Variants in STX3 observed in about 807,000 individuals in gnomAD.
The protein encoded by STX3 is syntaxin-3.
In STX3, 19 loss-of-function variants were observed where a neutral mutation model predicts 40.2. The observed-to-expected ratio is 0.47, with a 90% confidence interval of 0.33 to 0.69. The LOEUF (loss-of-function observed/expected upper bound fraction) is 0.69. Ranked by LOEUF, STX3 falls within the 30% of genes least tolerant of loss-of-function variation. The probability of loss-of-function intolerance (pLI) is 0.02; values close to 1 mark genes in which losing one functional copy is unlikely to be tolerated. For missense variants in STX3, 364 were observed against 366.7 expected (o/e 0.99, Z 0.06); for synonymous variants, 122 against 132.2 (o/e 0.92, Z 0.53).
rs1228020217 is a variant in STX3 at position 59,804,538 on chromosome 11, CGCTTGGGAATGG to C, written c.*3718_*3729del. 1 of 152,138 alleles carries C rather than the reference CGCTTGGGAATGG, an allele frequency of 6.6e-6. No individual in the cohort carries two copies. Among genetic ancestry groups the C allele is most frequent in the African/African-American group, 2.4e-5 (1 of 41,420 alleles). The allele number at this position is 152,138 out of a possible 1,614,324, so 9.4% of individuals were successfully genotyped here. On this transcript the variant is annotated 3_prime_UTR_variant, in exon 11 of 11. Transcript: ENST00000337979. The stretch of plus-strand genomic sequence containing the variant: ...GTTACTGTCAGAGGCTGTGTAAAGC[CGCTTGGGAATGG>C]GCTGATCTGCTTATGCAAAAATGCT...
rs147225705 is a variant in STX3, at chr11:59,787,109, A to C, written c.187A>C (p.Ile63Leu). 44 of 1,614,200 alleles carry C rather than the reference A, an allele frequency of 2.7e-5. No individual in the cohort carries two copies. The South Asian group carries it at 4.5e-4, about 17-fold the overall frequency. ...VEEAKKLYSIILSAPIPEPKT... is the reference protein window; with the variant it reads ...VEEAKKLYSILLSAPIPEPKT... ...GGAGGCTAAGAAACTCTACAGTATC[A>C]TTCTCTCTGCACCGATTCCAGAGCC... Residue 63 changes from isoleucine (I) to leucine (L), a missense_variant, in exon 3 of 11, where the codon ATT becomes CTT. Physicochemically the swap from Ile to Leu is conservative, Grantham distance 5. Transcript: ENST00000337979.
In STX3 at chr11:59,800,959, T is replaced by C; in HGVS notation, c.*135T>C. On this transcript the variant is annotated 3_prime_UTR_variant, in exon 11 of 11. Coordinates refer to ENST00000337979, the MANE Select transcript of STX3 (RefSeq NM_004177.5). ...AGTGCGACCCGTTCCTTTGTTTCCT[T>C]GCAACCACCCTTGGACCTGACTCAG... 6.5e-7 allele frequency: 1 copy of C among 1,535,818 alleles called. No homozygotes were observed. The highest frequency in any genetic ancestry group is 8.7e-7 in the Non-Finnish European group (1 of 1,146,632).
At position 59,756,798 on chromosome 11, in the gene STX3, C is replaced by T. The variant is rs557576778; in HGVS notation, c.30+1163C>T. On this transcript the variant is annotated intron_variant, in intron 1 of 10. Coordinates refer to ENST00000337979, the MANE Select transcript of STX3 (RefSeq NM_004177.5). Reference sequence around the variant, plus strand: ...AAATGCAACAGAAGATGCTTAAGAACACTTTTAGGGTGCATGGCACGGGGG... The same window carrying T: ...AAATGCAACAGAAGATGCTTAAGAATACTTTTAGGGTGCATGGCACGGGGG... Among the ~76,000 whole-genome samples, 26 of 152,310 alleles carry T rather than the reference C, an allele frequency of 1.7e-4. 1 individual carries two copies. In the South Asian group the frequency reaches 5.0e-3, roughly 29 times the overall value.
chr11:59,764,600 G>A (rs911654391), intron 1 of STX3, among the ~76,000 whole-genome samples: 21 of 152,056 alleles, frequency 1.4e-4, no homozygotes, highest in East Asian at 5.8e-4. Context: ...TGGATGTTGT[G>A]GTATCCCCTG....
intron 1 of STX3, among the ~76,000 whole-genome samples, chr11:59,771,985 A>C (rs1305636888): frequency 2.0e-5 from 3 of 152,190 alleles, no homozygotes; most frequent in African/African-American, 7.2e-5. Flanking sequence ...TGGGGGAGCC[A>C]ATCAAGAGAC....
At chr11:59,798,853 A>G (rs1294410394) in intron 10 of STX3, among the ~76,000 whole-genome samples, 1 of 151,242 alleles carries the variant, frequency 6.6e-6, no homozygotes, top group Non-Finnish European at 1.5e-5. Context: ...CAATCTGGTT[A>G]TTGGGACTAT....
chr11:59,800,953 T>A lies in STX3; in HGVS notation c.*129T>A. The A allele has an allele frequency of 6.5e-7, 1 of 1,535,994 alleles. No homozygotes were observed. Among genetic ancestry groups the A allele is most frequent in the Non-Finnish European group, 8.7e-7 (1 of 1,146,748 alleles). On this transcript the variant is annotated 3_prime_UTR_variant, in exon 11 of 11. Coordinates refer to ENST00000337979, the MANE Select transcript of STX3 (RefSeq NM_004177.5). ...AGAGCGAGTGCGACCCGTTCCTTTG[T>A]TTCCTTGCAACCACCCTTGGACCTG...
chr11:59,782,694 T>C (rs1237412392), intron 2 of STX3, among the ~76,000 whole-genome samples: 2 of 152,102 alleles, frequency 1.3e-5, no homozygotes, highest in East Asian at 3.9e-4. Context: ...TAACAAAGCA[T>C]TGAAAAGTAC....
At chr11:59,766,292 G>A (rs929543769) in intron 1 of STX3, among the ~76,000 whole-genome samples, 8 of 152,014 alleles carry the variant, frequency 5.3e-5, no homozygotes, top group Non-Finnish European at 8.8e-5. Flanking sequence ...TTACGTTGCA[G>A]ATGTGTTTTA....
intron 2 of STX3, among the ~76,000 whole-genome samples, chr11:59,778,850 T>TG (rs386373902): frequency 7.0e-4 from 103 of 146,966 alleles, no homozygotes; most frequent in African/African-American, 2.4e-3. Context: ...TTTTTTTTTT[T>TG]GGGGATGAAG....
At chr11:59,787,247 G>A (rs1454983744) in intron 3 of STX3, 111 bp downstream of exon 3, 4 of 848,084 alleles carry the variant, frequency 4.7e-6, no homozygotes, top group Admixed American at 4.4e-5. Flanking sequence ...AAGTTACAGG[G>A]CACTAGTGTA....
chr11:59,757,801 A>G (rs922420416), intron 1 of STX3, among the ~76,000 whole-genome samples: 2 of 152,166 alleles, frequency 1.3e-5, no homozygotes, highest in Non-Finnish European at 2.9e-5. Flanking sequence ...AGTTGATCTC[A>G]GAAGCCCCCT....
At chr11:59,788,558 C>CT (rs1864915367) in intron 3 of STX3, among the ~76,000 whole-genome samples, 1 of 152,190 alleles carries the variant, frequency 6.6e-6, no homozygotes, top group Non-Finnish European at 1.5e-5. Flanking sequence ...GTGGTAGGCT[C>CT]TTTCCTCTAA....
chr11:59,785,996 T>C (rs1484953248), intron 2 of STX3, among the ~76,000 whole-genome samples: 1 of 152,132 alleles, frequency 6.6e-6, no homozygotes, highest in Non-Finnish European at 1.5e-5. Context: ...TGTCTGACAG[T>C]GGCGTTCTAC....
chr11:59,802,922 G>A lies in STX3; in HGVS notation c.*2098G>A. On this transcript the variant is annotated 3_prime_UTR_variant, in exon 11 of 11. Coordinates refer to ENST00000337979, the MANE Select transcript of STX3 (RefSeq NM_004177.5). ...TGAGGTGTTCCCCCCAAAAGAATTT[G>A]GTTCAGTCCTTGGGAGTATCTGGCT... 1 of 985,382 alleles carries A rather than the reference G, an allele frequency of 1.0e-6. No homozygotes were observed. Among genetic ancestry groups the A allele is most frequent in the South Asian group, 4.7e-5 (1 of 21,284 alleles). The allele number at this position is 985,382 out of a possible 1,614,324, so 61.0% of individuals were successfully genotyped here.
At chr11:59,790,643 A>C in intron 5 of STX3, 57 bp downstream of exon 5, 2 of 1,343,942 alleles carry the variant, frequency 1.5e-6, no homozygotes, top group Non-Finnish European at 2.1e-6. Flanking sequence ...GTTTTCCCTT[A>C]ACTGTGGAGG....
At chr11:59,769,175 A>T (rs1863426360) in intron 1 of STX3, among the ~76,000 whole-genome samples, 1 of 152,150 alleles carries the variant, frequency 6.6e-6, no homozygotes. Flanking sequence ...AGTGAGTAGC[A>T]TGTGATGGAC....
intron 10 of STX3, among the ~76,000 whole-genome samples, chr11:59,798,086 G>T (rs1234478687): frequency 6.6e-6 from 1 of 152,238 alleles, no homozygotes; most frequent in African/African-American, 2.4e-5. Flanking sequence ...CTTTGTAAAA[G>T]AAGGTAGCCA....
intron 3 of STX3, among the ~76,000 whole-genome samples, chr11:59,788,307 G>C (rs1295393015): frequency 1.3e-5 from 2 of 152,160 alleles, no homozygotes; most frequent in Non-Finnish European, 2.9e-5. Context: ...CTAACACCTT[G>C]CAGGAAAAAT....
Sources: allele counts gnomAD v4.1 joint callset (sites outside exome capture counted in the v4.1 genomes callset), GRCh38; gene constraint gnomAD v4.1.1; transcripts MANE v1.5; gene names NCBI Gene and HGNC (gene_info 2026-07-23, HGNC 2026-07-21).